The following BCAR1 variants were observed in gnomAD, a reference collection of about 807,000 sequenced individuals.
BCAR1 encodes the protein breast cancer anti-estrogen resistance protein 1.
In BCAR1, 30 loss-of-function variants were observed where a neutral mutation model predicts 67.6. That is an observed-to-expected ratio of 0.44 (90% CI 0.33 to 0.60). BCAR1 has a LOEUF of 0.60. BCAR1 is among the 20% of genes least tolerant of loss of function. The probability of loss-of-function intolerance (pLI) is 0.02; values close to 1 mark genes in which losing one functional copy is unlikely to be tolerated. For synonymous variants in BCAR1, 626 were observed against 556.7 expected (o/e 1.12, Z -1.75); for missense variants, 1,313 against 1,222.3 (o/e 1.07, Z -1.11).
At chr16:75,260,434 G>C (rs977887223) in intron 1 of BCAR1, among the ~76,000 whole-genome samples, 3 of 151,110 alleles carry the variant, frequency 2.0e-5, no homozygotes, top group African/African-American at 7.3e-5. Flanking sequence ...AGGCGTTCGA[G>C]ACCAGCCTGG....
intron 1 of BCAR1, among the ~76,000 whole-genome samples, chr16:75,259,308 A>C (rs1373467840): frequency 6.6e-6 from 1 of 152,250 alleles, no homozygotes. Flanking sequence ...GTATTTTGCC[A>C]ACAATAGTGC....
chr16:75,258,014 C>T (rs1196792056), intron 1 of BCAR1, among the ~76,000 whole-genome samples: 2 of 152,218 alleles, frequency 1.3e-5, no homozygotes, highest in African/African-American at 4.8e-5. Flanking sequence ...GCAGCCCTGC[C>T]CACCCTGGGG....
At chr16:75,233,005 T>C (rs2076954189) in intron 6 of BCAR1, among the ~76,000 whole-genome samples, 1 of 152,218 alleles carries the variant, frequency 6.6e-6, no homozygotes, top group African/African-American at 2.4e-5. Flanking sequence ...CATACCTCTT[T>C]CCTACCCTGA....
rs2077357422 is a variant in BCAR1, at chr16:75,241,992, T to C, written c.633+478A>G. On this transcript the variant is annotated intron_variant, in intron 2 of 6. Coordinates refer to ENST00000162330, the MANE Select transcript of BCAR1 (RefSeq NM_014567.5). Reference sequence around the variant, plus strand: ...CATCCAGATCACCATACGCACCCGCTGGCCCCTAGCATGTTCCATAAGTGG... The same window carrying C: ...CATCCAGATCACCATACGCACCCGCCGGCCCCTAGCATGTTCCATAAGTGG... 2.6e-5 allele frequency among the ~76,000 whole-genome samples: 4 copies of C among 152,126 alleles called. No homozygotes were observed. In the South Asian group the frequency reaches 8.3e-4, roughly 32 times the overall value.
Position 75,242,504 on chromosome 16 carries a change from G to A in BCAR1, c.599C>T (p.Thr200Ile), listed in dbSNP as rs1165754906. 4 of 1,466,652 alleles carry A rather than the reference G, an allele frequency of 2.7e-6. No individual in the cohort carries two copies. In the South Asian group the frequency reaches 6.2e-5, roughly 23 times the overall value. 90.9% of individuals were successfully genotyped at this position (1,466,652 alleles called of 1,614,324 possible). A position where few individuals can be genotyped will look rare whatever the true frequency, so the allele number is the denominator to read the frequency against. Reference protein sequence around the residue: ...DIYQVPPSMDTRSWEGTKPPA... With the variant: ...DIYQVPPSMDIRSWEGTKPPA... ...GGGCTTCGTGCCCTCCCAGCTGCGTGTGTCCATGGACGGGGGGACCTGGTA... is the reference window on the plus strand; with the variant it reads ...GGGCTTCGTGCCCTCCCAGCTGCGTATGTCCATGGACGGGGGGACCTGGTA... The change falls in exon 2 of 7, where the codon ACA becomes ATA. Residue 200 changes from threonine to isoleucine, a missense_variant. This residue lies in a region of BCAR1 where 1,272 missense variants were observed against 1,137.5 expected (regional missense o/e 1.12). Coordinates refer to ENST00000162330, the MANE Select transcript of BCAR1 (RefSeq NM_014567.5).
intron 1 of BCAR1, chr16:75,267,887 G>C (rs759709681): frequency 2.5e-6 from 4 of 1,584,932 alleles, no homozygotes; most frequent in Non-Finnish European, 3.4e-6. Flanking sequence ...CAGGGAGAGA[G>C]GGGACCCTGG....
chr16:75,241,172 T>C (rs1199711170), intron 2 of BCAR1, among the ~76,000 whole-genome samples: 1 of 152,200 alleles, frequency 6.6e-6, no homozygotes, highest in Non-Finnish European at 1.5e-5. Flanking sequence ...AGTATGCACG[T>C]GTGTTTACAC....
At chr16:75,251,372 G>A (rs1176222451) in intron 1 of BCAR1, 99 bp downstream of exon 1, 9 of 1,429,356 alleles carry the variant, frequency 6.3e-6, no homozygotes, top group Non-Finnish European at 8.3e-6. Context: ...CGGTTCCCAG[G>A]CCCCGCAGGT....
rs767260706 is a variant in BCAR1 at position 75,235,513 on chromosome 16, G to A, written c.1386C>T (p.Ala462=). 2 of 1,596,644 alleles carry A rather than the reference G, an allele frequency of 1.3e-6. No homozygotes were observed. Among genetic ancestry groups the A allele is most frequent in the South Asian group, 1.1e-5 (1 of 89,118 alleles). ...TCACACCCTGCTGCAGCCGTGCCAG[G>A]GCCTCCACAGCAACTTCCAGCTCCA... ...EPLELEVAVE[A]LARLQQGVSA... is the part of the protein sequence containing the mutation. Residue 462 remains alanine (A), a synonymous_variant, in exon 5 of 7, where the codon GCC becomes GCT. Coordinates refer to ENST00000162330, the MANE Select transcript of BCAR1 (RefSeq NM_014567.5).
chr16:75,231,711 CA>C (rs1377492470), intron 6 of BCAR1, among the ~76,000 whole-genome samples: 7 of 152,184 alleles, frequency 4.6e-5, no homozygotes, highest in Non-Finnish European at 1.0e-4. Context: ...GCACTGTTCA[CA>C]AAAGTAAAAC....
intron 2 of BCAR1, among the ~76,000 whole-genome samples, chr16:75,237,689 G>A (rs1724133886): frequency 6.6e-6 from 1 of 152,180 alleles, no homozygotes; most frequent in Non-Finnish European, 1.5e-5. Flanking sequence ...CCTGGCTCTG[G>A]AGGGCACTAC....
At chr16:75,239,335 T>C (rs1215143673) in intron 2 of BCAR1, among the ~76,000 whole-genome samples, 1 of 152,100 alleles carries the variant, frequency 6.6e-6, no homozygotes, top group African/African-American at 2.4e-5. Flanking sequence ...ACATGCCTCA[T>C]ACAATGCAGA....
Position 75,237,006 on chromosome 16 carries a change from A to G in BCAR1, c.796-8T>C, listed in dbSNP as rs752090510. The G allele has an allele frequency of 1.3e-5, 21 of 1,592,470 alleles. No individual in the cohort carries two copies. In the South Asian group the frequency reaches 2.4e-4, roughly 18 times the overall value. ...GGGGGGTGTGTCATACACCTGGGGC[A>G]GAAACAGTGCAGGGTTAACGGCGCC... is the stretch of plus-strand genomic sequence containing the variant. On this transcript the variant is annotated splice_region_variant and splice_polypyrimidine_tract_variant and intron_variant, in intron 3 of 6. Coordinates refer to ENST00000162330, the MANE Select transcript of BCAR1 (RefSeq NM_014567.5).
upstream of BCAR1, among the ~76,000 whole-genome samples, chr16:75,254,242 A>C (rs1033824447): frequency 6.6e-6 from 1 of 152,154 alleles, no homozygotes; most frequent in Non-Finnish European, 1.5e-5. Flanking sequence ...CAGGAAGGGA[A>C]TCTAGGGACA....
intron 6 of BCAR1, 65 bp downstream of exon 6, chr16:75,233,781 G>C: frequency 6.6e-7 from 1 of 1,507,706 alleles, no homozygotes; most frequent in Non-Finnish European, 9.0e-7. Context: ...GCCCTGCAGG[G>C]CAAGAGCTGG....
At chr16:75,241,168 C>A (rs116183182) in intron 2 of BCAR1, among the ~76,000 whole-genome samples, 4,579 of 152,268 alleles carry the variant, frequency 0.03, 102 homozygotes, top group Middle Eastern at 0.11. Context: ...GGTGAGTATG[C>A]ACGTGTGTTT....
intron 6 of BCAR1, among the ~76,000 whole-genome samples, chr16:75,230,286 C>A (rs1567580372): frequency 6.6e-6 from 1 of 152,130 alleles, no homozygotes; most frequent in Non-Finnish European, 1.5e-5. Flanking sequence ...ACAAGATGGA[C>A]AACAGAAAAG....
At chr16:75,241,006 C>T (rs1168617223) in intron 2 of BCAR1, among the ~76,000 whole-genome samples, 2 of 152,214 alleles carry the variant, frequency 1.3e-5, no homozygotes, top group Admixed American at 6.5e-5. Flanking sequence ...ACTGCAAAGG[C>T]GGGAGAGGAG....
intron 6 of BCAR1, among the ~76,000 whole-genome samples, chr16:75,230,731 G>A (rs566651918): frequency 1.3e-5 from 2 of 152,168 alleles, no homozygotes; most frequent in Admixed American, 1.3e-4. Flanking sequence ...GCCACCCTAG[G>A]CGCAAAGATC....
Sources: allele counts gnomAD v4.1 joint callset (sites outside exome capture counted in the v4.1 genomes callset), GRCh38; gene constraint gnomAD v4.1.1; regional missense constraint gnomAD v4.1.1; transcripts MANE v1.5; gene names NCBI Gene and HGNC (gene_info 2026-07-23, HGNC 2026-07-21).